The following CTSK variants were observed in gnomAD, a reference collection of about 807,000 sequenced individuals.
The protein encoded by CTSK is cathepsin K.
A neutral mutation model predicts 40.5 loss-of-function variants in CTSK; 26 were observed. The ratio of observed to expected loss-of-function variants is 0.64; its 90% CI spans 0.47 to 0.89. The LOEUF is 0.89. Ranked by LOEUF, CTSK falls within the 40% of genes least tolerant of loss-of-function variation. The pLI is 0.00. For synonymous variants in CTSK, 132 were observed against 143.2 expected (o/e 0.92, Z 0.56); for missense variants, 292 against 400.1 (o/e 0.73, Z 2.30).
At position 150,799,686 on chromosome 1, in the gene CTSK, T is replaced by TG. The variant is rs1263951609; in HGVS notation, c.641dup (p.Thr215AsnfsTer6). 6.2e-7 allele frequency: 1 copy of TG among 1,614,054 alleles called. No homozygotes were observed. The highest frequency in any genetic ancestry group is 2.2e-5 in the East Asian group (1 of 44,900). On this transcript the variant is annotated frameshift_variant, in exon 6 of 8. Transcript: ENST00000271651. LOFTEE classifies it high-confidence loss of function. ...CTCTGCATTTAGCTGCCTTGCCTGT[T>TG]GGGTTGTACATACAACTCTCTTCCT...
At position 150,796,536 on chromosome 1, in the gene CTSK, C is replaced by A; in HGVS notation, c.*263G>T. On this transcript the variant is annotated 3_prime_UTR_variant, in exon 8 of 8. Coordinates refer to ENST00000271651, the MANE Select transcript of CTSK (RefSeq NM_000396.4). ...AGCCCTGGGACAACACAGTCAGGGG[C>A]AGGCTGTAGTCACATCTCTTAGCCT... is the stretch of plus-strand genomic sequence containing the variant. 1 of 572,782 alleles carries A rather than the reference C, an allele frequency of 1.7e-6. No individual in the cohort carries two copies. The highest frequency in any genetic ancestry group is 1.9e-5 in the African/African-American group (1 of 53,532). The allele number at this position is 572,782 out of a possible 1,614,324, so 35.5% of individuals were successfully genotyped here. A position where few individuals can be genotyped will look rare whatever the true frequency, so the allele number is the denominator to read the frequency against.
chr1:150,796,535 G>A lies in CTSK; in HGVS notation c.*264C>T. The A allele has an allele frequency of 1.8e-6, 1 of 571,182 alleles. No individual in the cohort carries two copies. Among genetic ancestry groups the A allele is most frequent in the Non-Finnish European group, 3.1e-6 (1 of 318,618 alleles). 35.4% of individuals were successfully genotyped at this position (571,182 alleles called of 1,614,324 possible). A position where few individuals can be genotyped will look rare whatever the true frequency, so the allele number is the denominator to read the frequency against. On this transcript the variant is annotated 3_prime_UTR_variant, in exon 8 of 8. Transcript: ENST00000271651. ...CAGCCCTGGGACAACACAGTCAGGG[G>A]CAGGCTGTAGTCACATCTCTTAGCC...
At chr1:150,805,791 G>T (rs1654077909) in intron 4 of CTSK, 70 bp downstream of exon 4, 1 of 1,548,168 alleles carries the variant, frequency 6.5e-7, no homozygotes, top group Non-Finnish European at 8.9e-7. Flanking sequence ...TTCACCTCAA[G>T]AACAAAGCAG....
In CTSK at chr1:150,805,898, T is replaced by C. The variant is rs1054278735; in HGVS notation, c.362A>G (p.Tyr121Cys). ...WEGRAPDSVD[Y>C]RKKGYVTPVK... is the part of the protein sequence containing the mutation. ...AGGAGTAACATATCCTTTCTTTCGATAGTCGACAGAGTCTGGGGCTCTACC... is the reference window on the plus strand; with the variant it reads ...AGGAGTAACATATCCTTTCTTTCGACAGTCGACAGAGTCTGGGGCTCTACC... Residue 121 changes from tyrosine (Y) to cysteine (C), a missense_variant, in exon 4 of 8, where the codon TAT becomes TGT. Coordinates refer to ENST00000271651, the MANE Select transcript of CTSK (RefSeq NM_000396.4). The C allele has an allele frequency of 4.3e-6, 7 of 1,614,060 alleles. No individual in the cohort carries two copies. The highest frequency in any genetic ancestry group is 4.2e-6 in the Non-Finnish European group (5 of 1,180,038).
At position 150,796,640 on chromosome 1, in the gene CTSK, G is replaced by A. The variant is rs1653881190; in HGVS notation, c.*159C>T. 2.7e-6 allele frequency: 2 copies of A among 749,150 alleles called. No individual in the cohort carries two copies. The highest frequency in any genetic ancestry group is 3.4e-5 in the African/African-American group (2 of 58,790). 46.4% of individuals were successfully genotyped at this position (749,150 alleles called of 1,614,324 possible). The stretch of plus-strand genomic sequence containing the variant: ...GGGTGGAGAGAAGCAAAGTAGGAAG[G>A]ATCATTTGAAGCACAAACAAATGGG... On this transcript the variant is annotated 3_prime_UTR_variant, in exon 8 of 8. Transcript: ENST00000271651.
intron 5 of CTSK, among the ~76,000 whole-genome samples, chr1:150,802,762 G>A (rs777179628): frequency 2.0e-5 from 3 of 152,098 alleles, no homozygotes; most frequent in Non-Finnish European, 4.4e-5. Context: ...TGGTGGGCAT[G>A]ATGGCATGCA....
rs1342027744 is a variant in CTSK at position 150,804,234 on chromosome 1, C to T, written c.405G>A (p.Gln135=). 1 of 1,613,634 alleles carries T rather than the reference C, an allele frequency of 6.2e-7. No homozygotes were observed. The highest frequency in any genetic ancestry group is 1.1e-5 in the South Asian group (1 of 91,074). ...AGCTAAAAGCCCAACAGGAACCACA[C>T]TGACCCTGAAAGGCATACAGAGAAA... ...GYVTPVKNQG[Q]CGSCWAFSSV... Residue 135 remains glutamine (Q), a synonymous_variant, in exon 5 of 8, where the codon CAG becomes CAA. Transcript: ENST00000271651.
intron 4 of CTSK, among the ~76,000 whole-genome samples, 196 bp downstream of exon 4, chr1:150,805,665 G>T (rs1305839178): frequency 2.2e-5 from 3 of 136,250 alleles, no homozygotes; most frequent in South Asian, 2.4e-4. Context: ...AAAAAAAAAG[G>T]AAAAGAAAAA....
chr1:150,802,979 C>T (rs587757272), intron 5 of CTSK, among the ~76,000 whole-genome samples: 11 of 152,232 alleles, frequency 7.2e-5, no homozygotes, highest in Admixed American at 2.0e-4. Flanking sequence ...GCCAGATAAA[C>T]ATACTGATAA....
rs200813725 is a variant in CTSK at position 150,799,299 on chromosome 1, G to A, written c.785-26C>T. 10 of 1,524,184 alleles carry A rather than the reference G, an allele frequency of 6.6e-6. No homozygotes were observed. In the South Asian group the frequency reaches 1.1e-4, roughly 17 times the overall value. The allele number at this position is 1,524,184 out of a possible 1,614,324, so 94.4% of individuals were successfully genotyped here. On this transcript the variant is annotated intron_variant, in intron 6 of 7. Coordinates refer to ENST00000271651, the MANE Select transcript of CTSK (RefSeq NM_000396.4). ...CTAGAATACAAACTACCAGCGTGAG[G>A]CTCTATGCAATCCAAGGGTCACCCT...
intron 7 of CTSK, among the ~76,000 whole-genome samples, chr1:150,798,063 T>A (rs1653908502): frequency 6.6e-6 from 1 of 152,180 alleles, no homozygotes; most frequent in Non-Finnish European, 1.5e-5. Context: ...GCCAGGTTAA[T>A]GGTGATCAGC....
At position 150,804,191 on chromosome 1, in the gene CTSK, C is replaced by T. The variant is rs1428904720; in HGVS notation, c.448G>A (p.Gly150Ser). The T allele has an allele frequency of 1.2e-6, 2 of 1,614,152 alleles. No homozygotes were observed. Among genetic ancestry groups the T allele is most frequent in the Non-Finnish European group, 1.7e-6 (2 of 1,180,024 alleles). Residue 150 changes from glycine (G) to serine (S), a missense_variant, in exon 5 of 8, where the codon GGC (glycine) becomes AGC (serine). Gly to Ser is a moderately conservative substitution (Grantham distance 56). Coordinates refer to ENST00000271651, the MANE Select transcript of CTSK (RefSeq NM_000396.4). ...WAFSSVGALE[G>S]QLKKKTGKLL... ...TTGCCAGTTTTCTTCTTGAGTTGGC[C>T]CTCCAGGGCACCCACAGAGCTAAAA...
chr1:150,806,753 G>C lies in CTSK; in HGVS notation c.53C>G (p.Pro18Arg). Residue 18 changes from proline to arginine, a missense_variant, in exon 2 of 8, where the codon CCT becomes CGT. Pro to Arg is a moderately radical substitution (Grantham distance 103). Coordinates refer to ENST00000271651, the MANE Select transcript of CTSK (RefSeq NM_000396.4). ...CCAGTGGGTGTCCAGTATCTCCTCA[G>C]GGTACAGAGCAAAGCTCACCACAGG... ...LLPVVSFALY[P>R]EEILDTHWEL... 6.2e-7 allele frequency: 1 copy of C among 1,614,030 alleles called. No individual in the cohort carries two copies. Among genetic ancestry groups the C allele is most frequent in the Non-Finnish European group, 8.5e-7 (1 of 1,180,000 alleles).
At chr1:150,804,988 G>C (rs1439102618) in intron 4 of CTSK, among the ~76,000 whole-genome samples, 1 of 152,056 alleles carries the variant, frequency 6.6e-6, no homozygotes, top group African/African-American at 2.4e-5. Flanking sequence ...GAAGCGGGCA[G>C]ATTGCTTGAG....
intron 7 of CTSK, among the ~76,000 whole-genome samples, 157 bp downstream of exon 7, chr1:150,799,011 A>G (rs1045300427): frequency 2.0e-5 from 3 of 152,198 alleles, no homozygotes; most frequent in African/African-American, 7.2e-5. Flanking sequence ...TAAGTGTCAG[A>G]CTGAGAATTA....
At chr1:150,806,548 T>C in intron 2 of CTSK, 138 bp downstream of exon 2, 1 of 1,117,720 alleles carries the variant, frequency 8.9e-7, no homozygotes, top group Non-Finnish European at 1.4e-6. Context: ...ATGAAAACCG[T>C]ATGTTAACAT....
intron 1 of CTSK, among the ~76,000 whole-genome samples, chr1:150,807,080 TCACACACACACACACACA>T (rs1171180978): frequency 1.4e-5 from 1 of 69,552 alleles, no homozygotes; most frequent in African/African-American, 3.7e-5. Context: ...TCTCTCTCTC[TCACACACACACACACACA>T]CACACACACA....
At chr1:150,801,471 C>T (rs960604626) in intron 5 of CTSK, among the ~76,000 whole-genome samples, 7 of 151,700 alleles carry the variant, frequency 4.6e-5, no homozygotes, top group Admixed American at 6.6e-5. Flanking sequence ...CATTCATAAA[C>T]GAATAAAACA....
chr1:150,797,286 G>C lies in CTSK; in HGVS notation c.891-388C>G, dbSNP rs1479674469. On this transcript the variant is annotated intron_variant, in intron 7 of 7. Coordinates refer to ENST00000271651, the MANE Select transcript of CTSK (RefSeq NM_000396.4). ...GTGCCTAACAGGGTGTAGTGGGAGA[G>C]ATGTCTGGAAAGGCAGATTGAGATC... Among the ~76,000 whole-genome samples, 3 of 152,262 alleles carry C rather than the reference G, an allele frequency of 2.0e-5. No homozygotes were observed. The East Asian group carries it at 5.8e-4, about 29-fold the overall frequency.
Sources: gnomAD v4.1 joint callset for allele counts (sites outside exome capture counted in the v4.1 genomes callset) on GRCh38, gnomAD v4.1.1 for gene constraint, MANE v1.5 for transcripts, NCBI Gene and HGNC (gene_info 2026-07-23, HGNC 2026-07-21) for gene names.